COX7A2: variants seen among roughly 807,000 people sequenced by gnomAD.
COX7A2 encodes the protein cytochrome c oxidase subunit 7A2.
In COX7A2, 11 loss-of-function variants were observed where a neutral mutation model predicts 11.6. That is an observed-to-expected ratio of 0.95 (90% CI 0.60 to 1.57). The LOEUF is 1.57. Ranked by LOEUF, COX7A2 falls within the 40% of genes most tolerant of loss-of-function variation. The pLI, the probability that COX7A2 is intolerant of heterozygous loss-of-function variation, is 0.00. For missense variants in COX7A2, 106 were observed against 100.9 expected, an observed-to-expected ratio of 1.05 and a Z score of -0.22; for synonymous variants, 30 against 38.2, an observed-to-expected ratio of 0.78 and a Z score of 0.79.
At chr6:75,239,233 A>C in intron 3 of COX7A2, among the ~76,000 whole-genome samples, 1 of 152,292 alleles carries the variant, frequency 6.6e-6, no homozygotes, top group East Asian at 1.9e-4. Flanking sequence ...GGTGGGAAGG[A>C]GGGGACAGTC....
chr6:75,242,999 T>G (rs925817471), intron 1 of COX7A2, among the ~76,000 whole-genome samples: 1 of 152,220 alleles, frequency 6.6e-6, no homozygotes, highest in African/African-American at 2.4e-5. Context: ...AGAAGAGACA[T>G]GCACTACATA....
upstream of COX7A2, among the ~76,000 whole-genome samples, chr6:75,244,601 A>G (rs1432391784): frequency 6.6e-6 from 1 of 152,206 alleles, no homozygotes; most frequent in Non-Finnish European, 1.5e-5. Flanking sequence ...TATTTCTTGT[A>G]CTTACCCTCA....
chr6:75,247,072 G>A (rs185578041), upstream of COX7A2, among the ~76,000 whole-genome samples: 42 of 152,324 alleles, frequency 2.8e-4, no homozygotes, highest in East Asian at 1.2e-3. Context: ...GGGGGAATAT[G>A]TGGGAAATAT....
Position 75,240,324 on chromosome 6 carries a change from G to A in COX7A2, c.170C>T (p.Ala57Val). The A allele has an allele frequency of 6.2e-7, 1 of 1,609,662 alleles. No individual in the cohort carries two copies. Among genetic ancestry groups the A allele is most frequent in the Non-Finnish European group, 8.5e-7 (1 of 1,178,588 alleles). ...GGVADALLYRATMILTVGGTA... is the reference protein window; with the variant it reads ...GGVADALLYRVTMILTVGGTA... ...ACCACCAACTGTAAGAATCATGGTG[G>A]CTCTATACAGGAGGGCATCAGCTAC... Residue 57 changes from alanine to valine, a missense_variant, in exon 3 of 4, where the codon GCC becomes GTC. By Grantham distance (64) the Ala-to-Val change is moderately conservative. Coordinates refer to ENST00000684430, the MANE Select transcript of COX7A2 (RefSeq NM_001366293.2).
chr6:75,238,156 ATATAT>A (rs1404453197), intron 3 of COX7A2, among the ~76,000 whole-genome samples, 168 bp from the exon 4 acceptor site: 1 of 152,102 alleles, frequency 6.6e-6, no homozygotes, highest in Admixed American at 6.5e-5. Context: ...TATATGTAAA[ATATAT>A]TTAATCTAGT....
upstream of COX7A2, among the ~76,000 whole-genome samples, chr6:75,244,886 T>C (rs240423): frequency 0.9 from 137,049 of 152,148 alleles, 62,016 homozygotes; most frequent in Non-Finnish European, 0.95. Context: ...TTCCTTAGAT[T>C]GGTACTGAAA....
exon 1 of COX7A2, chr6:75,250,120 G>A (rs1489397299): frequency 6.6e-6 from 1 of 152,198 alleles, no homozygotes; most frequent in Non-Finnish European, 1.5e-5. Flanking sequence ...GTTGGTGTGA[G>A]ATTATTCCTG....
At chr6:75,247,142 G>A (rs181578205), upstream of COX7A2, among the ~76,000 whole-genome samples, 104 of 152,312 alleles carry the variant, frequency 6.8e-4, no homozygotes, top group Middle Eastern at 3.4e-3. Flanking sequence ...CATCAGATGC[G>A]AAAGTACTAA....
intron 1 of COX7A2, among the ~76,000 whole-genome samples, chr6:75,249,346 C>A (rs778151600): frequency 6.6e-6 from 1 of 152,040 alleles, no homozygotes; most frequent in African/African-American, 2.4e-5. Context: ...TGGAATCAAG[C>A]GTTGATGTGC....
chr6:75,244,062 A>C, upstream of COX7A2: 1 of 395,998 alleles, frequency 2.5e-6, no homozygotes, highest in Non-Finnish European at 4.7e-6. Context: ...GATGAAGTCA[A>C]TGTGAGACCA....
At chr6:75,238,391 TA>T (rs879309187) in intron 3 of COX7A2, among the ~76,000 whole-genome samples, 109 of 151,972 alleles carry the variant, frequency 7.2e-4, no homozygotes, top group Non-Finnish European at 1.3e-3. Context: ...AATTTTAAAG[TA>T]ATCAAATGTA....
intron 1 of COX7A2, among the ~76,000 whole-genome samples, chr6:75,243,099 T>C (rs1474402217): frequency 6.6e-6 from 1 of 152,190 alleles, no homozygotes; most frequent in Non-Finnish European, 1.5e-5. Context: ...CATTAAATAA[T>C]TTAAAAAATA....
At chr6:75,245,059 C>T (rs945303381), upstream of COX7A2, among the ~76,000 whole-genome samples, 3 of 152,198 alleles carry the variant, frequency 2.0e-5, no homozygotes, top group Non-Finnish European at 2.9e-5. Flanking sequence ...ACTTAGCCAA[C>T]TCTAGATTGT....
upstream of COX7A2, among the ~76,000 whole-genome samples, chr6:75,245,035 C>T (rs931210707): frequency 6.6e-6 from 1 of 152,204 alleles, no homozygotes; most frequent in African/African-American, 2.4e-5. Flanking sequence ...TATGTGCTCT[C>T]TTATGTTTTC....
chr6:75,240,176 G>A (rs537553690), intron 3 of COX7A2, 125 bp downstream of exon 3: 4 of 703,322 alleles, frequency 5.7e-6, no homozygotes, highest in South Asian at 3.2e-5. Context: ...ATGAGATATA[G>A]TAAGATATCA....
rs1771359376 is a variant in COX7A2 at position 75,237,838 on chromosome 6, G to C, written c.*92C>G. The C allele has an allele frequency of 1.1e-6, 1 of 891,116 alleles. No individual in the cohort carries two copies. The highest frequency in any genetic ancestry group is 1.8e-6 in the Non-Finnish European group (1 of 561,004). 55.2% of individuals were successfully genotyped at this position (891,116 alleles called of 1,614,324 possible). A position where few individuals can be genotyped will look rare whatever the true frequency, so the allele number is the denominator to read the frequency against. On this transcript the variant is annotated 3_prime_UTR_variant, in exon 4 of 4. Transcript: ENST00000684430. ...CAGTTACTACAAGTCAATAAATATT[G>C]ATCCCCAAAGAAGAGCTCGGTTATT... is the stretch of plus-strand genomic sequence containing the variant.
At chr6:75,240,527 C>A (rs1310596787) in intron 2 of COX7A2, 142 bp from the exon 3 acceptor site, 11 of 573,292 alleles carry the variant, frequency 1.9e-5, no homozygotes, top group Non-Finnish European at 2.9e-5. Flanking sequence ...ATTTAAAAGA[C>A]CTACAATTTT....
At chr6:75,244,984 G>T (rs762587414), upstream of COX7A2, among the ~76,000 whole-genome samples, 7 of 152,136 alleles carry the variant, frequency 4.6e-5, no homozygotes, top group Admixed American at 2.6e-4. Flanking sequence ...GGGCGTGGGG[G>T]TTTTTTAAGT....
intron 1 of COX7A2, among the ~76,000 whole-genome samples, chr6:75,242,877 A>C (rs989304650): frequency 5.3e-5 from 8 of 152,050 alleles, no homozygotes; most frequent in East Asian, 3.9e-4. Flanking sequence ...ACAACAACAA[A>C]AAAAACCCTA....
Sources: allele counts gnomAD v4.1 joint callset (sites outside exome capture counted in the v4.1 genomes callset), GRCh38; gene constraint gnomAD v4.1.1; transcripts MANE v1.5; gene names NCBI Gene and HGNC (gene_info 2026-07-23, HGNC 2026-07-21).